The following ASTN2 variants were observed in gnomAD, a reference collection of about 807,000 sequenced individuals.
ASTN2 encodes the protein astrotactin-2.
Under a neutral mutation model 139.8 loss-of-function variants are expected in ASTN2, and 54 were observed. The ratio of observed to expected loss-of-function variants is 0.39; its 90% confidence interval spans 0.31 to 0.48. The LOEUF (loss-of-function observed/expected upper bound fraction) is 0.48, where lower values mean the gene tolerates loss of function less well. Among genes scored for constraint, ASTN2 ranks in the 20% least tolerant of loss-of-function variants. ASTN2 has a pLI of 0.95. For synonymous variants in ASTN2, 756 were observed against 719.5 expected (o/e 1.05, Z -0.81); for missense variants, 1,565 against 1,725.1 (o/e 0.91, Z 1.64).
At chr9:116,458,681 C>T (rs1261545660) in intron 20 of ASTN2, among the ~76,000 whole-genome samples, 1 of 151,536 alleles carries the variant, frequency 6.6e-6, no homozygotes, top group African/African-American at 2.4e-5. Context: ...TTAAAAAAAA[C>T]ACTTAGGAAT....
intron 10 of ASTN2, among the ~76,000 whole-genome samples, chr9:116,907,065 C>T (rs1169768335): frequency 6.6e-6 from 1 of 152,120 alleles, no homozygotes; most frequent in Non-Finnish European, 1.5e-5. Context: ...TCAGAACAAC[C>T]CCTTCAGCTA....
intron 19 of ASTN2, among the ~76,000 whole-genome samples, chr9:116,570,217 AC>A (rs1853441278): frequency 1.3e-5 from 2 of 152,210 alleles, no homozygotes; most frequent in African/African-American, 4.8e-5. Context: ...AGTGCCCAGC[AC>A]AGTTCATATA....
At chr9:117,413,795 G>A (rs1388218599) in intron 1 of ASTN2, among the ~76,000 whole-genome samples, 2 of 152,206 alleles carry the variant, frequency 1.3e-5, no homozygotes, top group African/African-American at 4.8e-5. Flanking sequence ...CTGCCTGGAG[G>A]TGGGTAGAAA....
At chr9:116,565,628 C>T (rs1853194134) in intron 19 of ASTN2, among the ~76,000 whole-genome samples, 1 of 150,506 alleles carries the variant, frequency 6.6e-6, no homozygotes, top group African/African-American at 2.5e-5. Flanking sequence ...GCACACACCA[C>T]CATGTGGCCT....
At chr9:116,660,170 A>G (rs541542093) in intron 16 of ASTN2, among the ~76,000 whole-genome samples, 191 of 120,594 alleles carry the variant, frequency 1.6e-3, no homozygotes, top group African/African-American at 0.01. Context: ...TTGCAAGCGC[A>G]CACACACACA....
chr9:116,659,863 T>A (rs1858450008), intron 16 of ASTN2, among the ~76,000 whole-genome samples: 1 of 152,150 alleles, frequency 6.6e-6, no homozygotes, highest in African/African-American at 2.4e-5. Context: ...AGGCCTCAAG[T>A]TCCATTGTGG....
chr9:116,977,641 A>G (rs1290664209), intron 7 of ASTN2, among the ~76,000 whole-genome samples: 2 of 152,088 alleles, frequency 1.3e-5, no homozygotes, highest in Admixed American at 1.3e-4. Flanking sequence ...AAGTGATTTC[A>G]GAATCTCTCT....
chr9:117,203,783 C>T (rs917761505), intron 3 of ASTN2, among the ~76,000 whole-genome samples: 6 of 152,122 alleles, frequency 3.9e-5, no homozygotes, highest in South Asian at 2.1e-4. Context: ...CCAGTAGGTT[C>T]GCTCCTGCAT....
chr9:117,265,697 A>T (rs563180913), intron 2 of ASTN2, among the ~76,000 whole-genome samples: 14 of 152,230 alleles, frequency 9.2e-5, no homozygotes, highest in Non-Finnish European at 1.6e-4. Flanking sequence ...TGATATTCTA[A>T]TATGTTAAAG....
intron 3 of ASTN2, among the ~76,000 whole-genome samples, chr9:117,163,608 T>TAAA (rs945962062): frequency 3.3e-5 from 5 of 152,076 alleles, no homozygotes; most frequent in African/African-American, 1.2e-4. Flanking sequence ...CCAATCCAGA[T>TAAA]AAAAATTACT....
At chr9:117,080,651 C>T (rs1183858396) in intron 5 of ASTN2, among the ~76,000 whole-genome samples, 1 of 152,096 alleles carries the variant, frequency 6.6e-6, no homozygotes, top group Non-Finnish European at 1.5e-5. Flanking sequence ...CATTATTTTA[C>T]ATTGGTTGAA....
At chr9:116,865,780 C>T (rs919272947) in intron 10 of ASTN2, among the ~76,000 whole-genome samples, 3 of 152,126 alleles carry the variant, frequency 2.0e-5, no homozygotes, top group Non-Finnish European at 2.9e-5. Context: ...TCTCTCAATC[C>T]CAAATCATGC....
At chr9:116,875,567 T>C in intron 10 of ASTN2, among the ~76,000 whole-genome samples, 1 of 151,950 alleles carries the variant, frequency 6.6e-6, no homozygotes, top group African/African-American at 2.4e-5. Flanking sequence ...TGAAGGTGAC[T>C]ATGTCCAACA....
Position 116,828,441 on chromosome 9 carries a change from A to G in ASTN2, c.2041-7658T>C, listed in dbSNP as rs578079348. 7.7e-4 allele frequency among the ~76,000 whole-genome samples: 118 copies of G among 152,332 alleles called. 1 individual carries two copies. Among genetic ancestry groups the G allele is most frequent in the African/African-American group, 2.8e-3 (116 of 41,576 alleles). ...CAAATCAATAAACGTGATACATCAC[A>G]TAAACAGAATTCAGGAAAAAAGCCA... is the stretch of plus-strand genomic sequence containing the variant. On this transcript the variant is annotated intron_variant, in intron 11 of 22. Transcript: ENST00000313400.
chr9:117,061,740 C>A (rs1458022082), intron 5 of ASTN2, among the ~76,000 whole-genome samples: 2 of 152,104 alleles, frequency 1.3e-5, no homozygotes, highest in Non-Finnish European at 2.9e-5. Flanking sequence ...CACCCTTGAA[C>A]TTTCAATGGG....
At chr9:116,884,094 C>T (rs1010630783) in intron 10 of ASTN2, among the ~76,000 whole-genome samples, 1 of 152,196 alleles carries the variant, frequency 6.6e-6, no homozygotes, top group Non-Finnish European at 1.5e-5. Flanking sequence ...AGATGAAGAT[C>T]AAGCGGAGTG....
Position 116,425,538 on chromosome 9 carries a change from C to A in ASTN2, c.*313G>T. On this transcript the variant is annotated 3_prime_UTR_variant, in exon 23 of 23. Coordinates refer to ENST00000313400, the MANE Select transcript of ASTN2 (RefSeq NM_001365068.1). ...GGAAGAAGAGCAAAGGCCGCTTGGT[C>A]TCCACCTGAAAACTTCTGCCTCGGG... The A allele has an allele frequency of 1.2e-6, 2 of 1,608,240 alleles. No homozygotes were observed. Among genetic ancestry groups the A allele is most frequent in the Admixed American group, 1.7e-5 (1 of 59,482 alleles).
chr9:117,325,190 G>A (rs1828474652), intron 1 of ASTN2, among the ~76,000 whole-genome samples: 1 of 152,230 alleles, frequency 6.6e-6, no homozygotes, highest in Non-Finnish European at 1.5e-5. Context: ...CCCTGAGGGA[G>A]AGGCTGATGA....
chr9:116,868,445 C>T (rs1028705081), intron 10 of ASTN2, among the ~76,000 whole-genome samples: 19 of 152,192 alleles, frequency 1.2e-4, no homozygotes, highest in African/African-American at 3.4e-4. Flanking sequence ...AACAGTAAGG[C>T]CCGTAAGAAT....
Sources: gnomAD v4.1 joint callset for allele counts (sites outside exome capture counted in the v4.1 genomes callset) on GRCh38, gnomAD v4.1.1 for gene constraint, MANE v1.5 for transcripts, NCBI Gene and HGNC (gene_info 2026-07-23, HGNC 2026-07-21) for gene names.